HPSE2: variants seen among roughly 807,000 people sequenced by gnomAD.
HPSE2 encodes the protein inactive heparanase-2.
In HPSE2, 38 loss-of-function variants were observed where a neutral mutation model predicts 60.5. The ratio of observed to expected loss-of-function variants is 0.63; its 90% confidence interval spans 0.48 to 0.82. The LOEUF (loss-of-function observed/expected upper bound fraction) is 0.82. Ranked by LOEUF, HPSE2 falls within the 40% of genes least tolerant of loss-of-function variation. HPSE2 has a pLI of 0.00. For missense variants in HPSE2, 713 were observed against 740.4 expected, an observed-to-expected ratio of 0.96 and a Z score of 0.43; for synonymous variants, 295 against 293.2, an observed-to-expected ratio of 1.01 and a Z score of -0.06.
In HPSE2 at chr10:98,603,440, T is replaced by TTTTTG. The variant is rs139448893; in HGVS notation, c.1320+11463_1320+11464insCAAAA. On this transcript the variant is annotated intron_variant, in intron 9 of 11. Transcript: ENST00000370552. ...TACGCCAGAGCACTCTGTTTTTTTG[T>TTTTTG]TTTTTTTTTTGACAGAGTCTTGCTC... 2.5e-3 allele frequency among the ~76,000 whole-genome samples: 22 copies of TTTTTG among 8,722 alleles called. No individual in the cohort carries two copies. The South Asian group carries it at 0.42, about 165-fold the overall frequency. The allele number at this position is 8,722 out of a possible 152,430, so 5.7% of individuals were successfully genotyped here.
intron 3 of HPSE2, among the ~76,000 whole-genome samples, chr10:98,959,943 T>A (rs1379161540): frequency 2.3e-4 from 35 of 152,062 alleles, no homozygotes; most frequent in Non-Finnish European, 7.4e-5. Flanking sequence ...TCTGCAAAGT[T>A]TTTTCCCCCC....
chr10:98,976,662 C>G (rs1435614079), intron 3 of HPSE2, among the ~76,000 whole-genome samples: 1 of 152,030 alleles, frequency 6.6e-6, no homozygotes, highest in African/African-American at 2.4e-5. Context: ...CATAATCATT[C>G]CTCACACCTG....
At chr10:98,805,996 A>G (rs75248764) in intron 3 of HPSE2, among the ~76,000 whole-genome samples, 2,104 of 152,322 alleles carry the variant, frequency 0.014, 44 homozygotes, top group African/African-American at 0.047. Flanking sequence ...GGAATAAGCA[A>G]GAAGCTCTGC....
chr10:99,313,349 A>C, the HPSE2 span, among the ~76,000 whole-genome samples: 1 of 152,176 alleles, frequency 6.6e-6, no homozygotes, highest in African/African-American at 2.4e-5. Context: ...TGTGGTGGGA[A>C]TAGCAAGAGA....
chr10:98,790,834 A>C (rs1030056052), intron 3 of HPSE2, among the ~76,000 whole-genome samples: 1 of 152,222 alleles, frequency 6.6e-6, no homozygotes, highest in Non-Finnish European at 1.5e-5. Flanking sequence ...TTGAATTTTG[A>C]AAAATGAAAA....
In HPSE2 at chr10:98,759,683, T is replaced by C. The variant is rs565138752; in HGVS notation, c.611-15627A>G. Among the ~76,000 whole-genome samples, 6 of 152,254 alleles carry C rather than the reference T, an allele frequency of 3.9e-5. No individual in the cohort carries two copies. The South Asian group carries it at 1.0e-3, about 26-fold the overall frequency. On this transcript the variant is annotated intron_variant, in intron 3 of 11. Coordinates refer to ENST00000370552, the MANE Select transcript of HPSE2 (RefSeq NM_021828.5). The stretch of plus-strand genomic sequence containing the variant: ...TTTTTATGCCAGAACCATTCTCTTT[T>C]TATTAGCTTAGCTTTGTAATAATAT...
At chr10:98,814,973 C>A (rs1381329062) in intron 3 of HPSE2, among the ~76,000 whole-genome samples, 6 of 151,728 alleles carry the variant, frequency 4.0e-5, no homozygotes, top group Admixed American at 1.3e-4. Context: ...TAGAAAAAAA[C>A]AATTTTAAAA....
intron 3 of HPSE2, among the ~76,000 whole-genome samples, chr10:98,930,136 C>G (rs1366931560): frequency 2.1e-5 from 3 of 143,582 alleles, no homozygotes; most frequent in East Asian, 4.0e-4. Context: ...ATGCTTCCCC[C>G]CTCCACTATC....
At chr10:98,562,343 T>C (rs1447913864) in intron 9 of HPSE2, among the ~76,000 whole-genome samples, 1 of 152,226 alleles carries the variant, frequency 6.6e-6, no homozygotes, top group African/African-American at 2.4e-5. Context: ...GAGTGATACA[T>C]GACTCTACTC....
intron 2 of HPSE2, among the ~76,000 whole-genome samples, chr10:99,176,695 CT>C (rs1268146737): frequency 3.3e-5 from 5 of 152,072 alleles, no homozygotes; most frequent in Non-Finnish European, 7.4e-5. Flanking sequence ...TTGGAAAAAA[CT>C]CTTCAGGATA....
At chr10:98,665,325 A>C (rs1947333639) in intron 6 of HPSE2, among the ~76,000 whole-genome samples, 1 of 152,198 alleles carries the variant, frequency 6.6e-6, no homozygotes, top group South Asian at 2.1e-4. Flanking sequence ...CATTCCAGAG[A>C]GAGAAGATAA....
intron 3 of HPSE2, among the ~76,000 whole-genome samples, chr10:98,751,919 T>A (rs571478436): frequency 6.6e-6 from 1 of 152,348 alleles, no homozygotes; most frequent in African/African-American, 2.4e-5. Context: ...AGTTAAAATT[T>A]AAGGGTTTAC....
chr10:99,237,647 T>G (rs1849893453), upstream of HPSE2, among the ~76,000 whole-genome samples: 2 of 152,220 alleles, frequency 1.3e-5, no homozygotes, highest in African/African-American at 4.8e-5. Flanking sequence ...TGTTACATAG[T>G]GAAGTATTGG....
At chr10:98,637,651 A>C (rs550859517) in intron 7 of HPSE2, among the ~76,000 whole-genome samples, 1 of 152,154 alleles carries the variant, frequency 6.6e-6, no homozygotes, top group Non-Finnish European at 1.5e-5. Flanking sequence ...TCCTGGGCCC[A>C]ATACCCTATT....
intron 9 of HPSE2, among the ~76,000 whole-genome samples, chr10:98,596,210 C>T (rs4551690): frequency 0.081 from 12,365 of 152,210 alleles, 572 homozygotes; most frequent in East Asian, 0.19. Flanking sequence ...AACAAATAAA[C>T]TTTGATCACA....
intron 3 of HPSE2, among the ~76,000 whole-genome samples, chr10:99,076,034 G>A (rs182642543): frequency 6.6e-6 from 1 of 151,940 alleles, no homozygotes; most frequent in African/African-American, 2.4e-5. Flanking sequence ...ACCACTGATA[G>A]GAAAGGACCA....
intron 3 of HPSE2, among the ~76,000 whole-genome samples, chr10:99,002,045 C>A (rs973135189): frequency 6.6e-6 from 1 of 151,878 alleles, no homozygotes; most frequent in Non-Finnish European, 1.5e-5. Context: ...ACACAGATGG[C>A]AAAAGCAACT....
At chr10:99,004,420 T>C (rs1421002070) in intron 3 of HPSE2, among the ~76,000 whole-genome samples, 1 of 152,132 alleles carries the variant, frequency 6.6e-6, no homozygotes, top group African/African-American at 2.4e-5. Flanking sequence ...ATCTTTGGTG[T>C]ATCGATTATA....
At chr10:98,919,504 C>G (rs1954220505) in intron 3 of HPSE2, among the ~76,000 whole-genome samples, 1 of 151,964 alleles carries the variant, frequency 6.6e-6, no homozygotes, top group Admixed American at 6.6e-5. Flanking sequence ...TAGGAAGCTA[C>G]TAAAATAACC....
Sources: gnomAD v4.1 joint callset for allele counts (sites outside exome capture counted in the v4.1 genomes callset) on GRCh38, gnomAD v4.1.1 for gene constraint, MANE v1.5 for transcripts, NCBI Gene and HGNC (gene_info 2026-07-23, HGNC 2026-07-21) for gene names.